The following ITPR2 variants were observed in gnomAD, a reference collection of about 807,000 sequenced individuals.
ITPR2 encodes the protein inositol 1,4,5-trisphosphate-gated calcium channel ITPR2.
Under a neutral mutation model 317.1 loss-of-function variants are expected in ITPR2, and 207 were observed. That is an observed-to-expected ratio of 0.65 (90% confidence interval 0.58 to 0.73). ITPR2 has a LOEUF of 0.73. Ranked by LOEUF, ITPR2 falls within the 30% of genes least tolerant of loss-of-function variation. ITPR2 has a pLI of 0.00. For missense variants in ITPR2, 2,613 were observed against 3,284.0 expected (o/e 0.80, Z 4.99); for synonymous variants, 1,156 against 1,149.1 (o/e 1.01, Z -0.12).
At chr12:26,710,754 T>C (rs1437637635) in intron 9 of ITPR2, among the ~76,000 whole-genome samples, 1 of 152,176 alleles carries the variant, frequency 6.6e-6, no homozygotes, top group African/African-American at 2.4e-5. Context: ...ATTTGAATAA[T>C]AAAAGCCACC....
intron 32 of ITPR2, among the ~76,000 whole-genome samples, chr12:26,591,867 C>T (rs546977239): frequency 1.9e-4 from 28 of 150,778 alleles, no homozygotes; most frequent in African/African-American, 6.8e-4. Flanking sequence ...AAAAATAGAG[C>T]TACCATATGA....
At chr12:26,349,321 C>A (rs1938407469) in intron 55 of ITPR2, among the ~76,000 whole-genome samples, 1 of 152,172 alleles carries the variant, frequency 6.6e-6, no homozygotes, top group African/African-American at 2.4e-5. Context: ...TTAACCAGAT[C>A]CTTCTTTCTG....
intron 22 of ITPR2, chr12:26,630,465 CA>C (rs1591979933): frequency 6.6e-6 from 1 of 151,662 alleles, no homozygotes; most frequent in East Asian, 1.9e-4. Context: ...AAAGAAGACC[CA>C]GGGGGAAGAG....
chr12:26,776,548 T>C (rs1043953494), intron 2 of ITPR2, among the ~76,000 whole-genome samples: 5 of 152,148 alleles, frequency 3.3e-5, no homozygotes, highest in African/African-American at 1.2e-4. Flanking sequence ...AGTGAGGGCA[T>C]TGATTGGAAA....
chr12:26,666,128 G>GGTAGAGA, intron 13 of ITPR2, 77 bp from the exon 14 acceptor site: 1 of 418,966 alleles, frequency 2.4e-6, no homozygotes, highest in Non-Finnish European at 3.5e-6. Flanking sequence ...TGATAGGTAG[G>GGTAGAGA]TAGGTAGAGA....
intron 37 of ITPR2, among the ~76,000 whole-genome samples, chr12:26,503,676 C>T (rs1054974462): frequency 2.0e-5 from 3 of 152,140 alleles, no homozygotes; most frequent in Non-Finnish European, 4.4e-5. Context: ...GGCTCAGTTT[C>T]CCCATCTGTG....
At chr12:26,652,553 A>G (rs186864382) in intron 21 of ITPR2, among the ~76,000 whole-genome samples, 1 of 150,054 alleles carries the variant, frequency 6.7e-6, no homozygotes, top group East Asian at 1.9e-4. Flanking sequence ...TGAGGCTCTT[A>G]TTGCCCCAGC....
chr12:26,388,631 T>C (rs1002883202), intron 54 of ITPR2, among the ~76,000 whole-genome samples: 6 of 146,256 alleles, frequency 4.1e-5, no homozygotes, highest in Admixed American at 2.0e-4. Context: ...TTTTTGTATC[T>C]TTTTTTTTTT....
intron 45 of ITPR2, among the ~76,000 whole-genome samples, chr12:26,444,683 T>C (rs1159030073): frequency 6.6e-6 from 1 of 152,110 alleles, no homozygotes; most frequent in Non-Finnish European, 1.5e-5. Flanking sequence ...TACGGAGCAA[T>C]AAGTTTTCCT....
chr12:26,614,903 A>T (rs555527726), intron 26 of ITPR2, among the ~76,000 whole-genome samples: 1 of 152,354 alleles, frequency 6.6e-6, no homozygotes, highest in East Asian at 1.9e-4. Flanking sequence ...ATTTGTCAAA[A>T]CCCATAGTTA....
rs1951109017 is a variant in ITPR2 at position 26,831,765 on chromosome 12, TATATATTCTACATAAAATATATAA to T, written c.92+901_92+924del. The stretch of plus-strand genomic sequence containing the variant: ...ATATATTCTACATAAAATATATAAA[TATATATTCTACATAAAATATATAA>T]ATATATATTATACATAAAATATATA... On this transcript the variant is annotated intron_variant, in intron 1 of 56. Transcript: ENST00000381340. This position sits in a 1 kb window ranked among gnomAD's most constrained non-coding sequence, Gnocchi z 4.9. Among the ~76,000 whole-genome samples the T allele has an allele frequency of 4.1e-5, 4 of 97,220 alleles. No individual in the cohort carries two copies. Among genetic ancestry groups the T allele is most frequent in the Admixed American group, 2.9e-4 (3 of 10,200 alleles). 63.8% of individuals were successfully genotyped at this position (97,220 alleles called of 152,430 possible).
chr12:26,469,779 T>C lies in ITPR2; in HGVS notation c.6342+5517A>G, dbSNP rs113789689. Among the ~76,000 whole-genome samples, 129 of 152,264 alleles carry C rather than the reference T, an allele frequency of 8.5e-4. 2 individuals carry two copies. The highest frequency in any genetic ancestry group is 2.9e-3 in the African/African-American group (122 of 41,554). On this transcript the variant is annotated intron_variant, in intron 45 of 56. Coordinates refer to ENST00000381340, the MANE Select transcript of ITPR2 (RefSeq NM_002223.4). ...AAGAAAGAACAAGAAATGTAAATCC[T>C]TTCCTCCACAGTGGTAAACTGATGG... is the stretch of plus-strand genomic sequence containing the variant.
Position 26,662,537 on chromosome 12 carries a change from A to T in ITPR2, c.1713+1148T>A, listed in dbSNP as rs74072304. On this transcript the variant is annotated intron_variant, in intron 15 of 56. Transcript: ENST00000381340. ...TCCTTCTTCATGGACCAAACTCATC[A>T]ATGAAACTTACAGTGATGCACTCTG... 9.6e-3 allele frequency among the ~76,000 whole-genome samples: 1,461 copies of T among 152,310 alleles called. 26 individuals are homozygous for T. The highest frequency in any genetic ancestry group is 0.033 in the African/African-American group (1,367 of 41,568).
At chr12:26,392,214 G>A (rs61914381) in intron 54 of ITPR2, among the ~76,000 whole-genome samples, 11,041 of 151,974 alleles carry the variant, frequency 0.073, 504 homozygotes, top group South Asian at 0.15. Context: ...AACTTAACTC[G>A]TCAAAAATGT....
At chr12:26,491,184 T>C (rs551463294) in intron 39 of ITPR2, among the ~76,000 whole-genome samples, 9 of 151,992 alleles carry the variant, frequency 5.9e-5, no homozygotes, top group Admixed American at 3.3e-4. Flanking sequence ...AATAGCATGT[T>C]TTTGGAAAGG....
chr12:26,621,187 C>A lies in ITPR2; in HGVS notation c.3398G>T (p.Ser1133Ile). The A allele has an allele frequency of 1.2e-6, 2 of 1,613,964 alleles. No individual in the cohort carries two copies. The highest frequency in any genetic ancestry group is 2.2e-5 in the East Asian group (1 of 44,848). The part of the protein sequence containing the change: ...VEKSELWVEK[S>I]SNYENGEIGE... ...TATTTCTCCATTCTCATAGTTGCTG[C>A]TCTTCTCCACCCATAGCTCAGACTT... Residue 1133 changes from serine to isoleucine, a missense_variant, in exon 26 of 57, where the codon AGC (serine) becomes ATC (isoleucine). Physicochemically the swap from Ser to Ile is moderately radical, Grantham distance 142 (BLOSUM62 -2). Around this residue, in one of 9 missense-constraint regions of ITPR2, gnomAD observed 817 missense variants for 897.6 expected, o/e 0.91. Coordinates refer to ENST00000381340, the MANE Select transcript of ITPR2 (RefSeq NM_002223.4).
chr12:26,380,091 C>G (rs2136615236), intron 55 of ITPR2, among the ~76,000 whole-genome samples: 1 of 152,304 alleles, frequency 6.6e-6, no homozygotes, highest in East Asian at 1.9e-4. Flanking sequence ...ATCATTTAAA[C>G]ACTAGTTGGT....
At chr12:26,599,520 C>T (rs1361941803) in intron 29 of ITPR2, among the ~76,000 whole-genome samples, 175 bp from the exon 30 acceptor site, 3 of 152,160 alleles carry the variant, frequency 2.0e-5, no homozygotes, top group African/African-American at 7.2e-5. Context: ...TAAAAGAAAA[C>T]TGAGCTCACA....
chr12:26,396,834 G>A (rs1475960663), intron 54 of ITPR2, among the ~76,000 whole-genome samples: 1 of 152,126 alleles, frequency 6.6e-6, no homozygotes. Flanking sequence ...CTATTCTCAA[G>A]CTCAATCACT....
Sources: gnomAD v4.1 joint callset for allele counts (sites outside exome capture counted in the v4.1 genomes callset) on GRCh38, gnomAD v4.1.1 for gene constraint, gnomAD v4.1.1 regional missense constraint, Gnocchi (gnomAD v3.1) non-coding constraint, MANE v1.5 for transcripts, NCBI Gene and HGNC (gene_info 2026-07-23, HGNC 2026-07-21) for gene names.